GALNT16: variants seen among roughly 807,000 people sequenced by gnomAD.
GALNT16 encodes UDP-GalNAc:polypeptide N-acetylgalactosaminyltransferase-like protein 1.
GALNT16 carries 40 observed loss-of-function variants against 76.1 expected under a neutral mutation model. The observed-to-expected ratio is 0.53, with a 90% CI of 0.41 to 0.68. The LOEUF (loss-of-function observed/expected upper bound fraction) is 0.68, where lower values mean the gene tolerates loss of function less well. Among genes scored for constraint, GALNT16 ranks in the 30% least tolerant of loss-of-function variants. The probability of loss-of-function intolerance (pLI) is 0.00; values close to 1 mark genes in which losing one functional copy is unlikely to be tolerated. For missense variants in GALNT16, 621 were observed against 731.9 expected (o/e 0.85, Z 1.75); for synonymous variants, 276 against 285.2 (o/e 0.97, Z 0.32).
the GALNT16 span, among the ~76,000 whole-genome samples, chr14:69,370,573 A>G: frequency 6.6e-6 from 1 of 152,154 alleles, no homozygotes; most frequent in African/African-American, 2.4e-5. Context: ...CATTATGGAA[A>G]GTTTCAAGCA....
chr14:69,383,195 C>G, the GALNT16 span, among the ~76,000 whole-genome samples: 1 of 152,220 alleles, frequency 6.6e-6, no homozygotes. Flanking sequence ...AAATCTGACT[C>G]TGACTTTAAG....
intron 1 of GALNT16, among the ~76,000 whole-genome samples, chr14:69,293,915 G>A (rs1356777930): frequency 2.6e-5 from 4 of 151,196 alleles, no homozygotes; most frequent in East Asian, 1.9e-4. Flanking sequence ...TTTTTGAGAC[G>A]GAGTCTTGCT....
intron 12 of GALNT16, among the ~76,000 whole-genome samples, chr14:69,342,478 G>GAGGAAGGC (rs1238640407): frequency 0.018 from 579 of 32,022 alleles, 18 homozygotes; most frequent in South Asian, 0.041. Flanking sequence ...GGAAGGAAGG[G>GAGGAAGGC]AGGGAGGGAG....
chr14:69,270,952 G>A (rs1052973955), intron 1 of GALNT16, among the ~76,000 whole-genome samples: 5 of 61,636 alleles, frequency 8.1e-5, no homozygotes, highest in African/African-American at 4.0e-4. Context: ...CCTAGAGGCC[G>A]GATGAAGGAG....
intron 10 of GALNT16, among the ~76,000 whole-genome samples, chr14:69,339,079 T>A (rs753218): frequency 6.6e-6 from 1 of 152,080 alleles, no homozygotes; most frequent in Non-Finnish European, 1.5e-5. Flanking sequence ...CGAGTGCTGG[T>A]CATGGATGCC....
At chr14:69,360,453 C>T (rs183354223), downstream of GALNT16, among the ~76,000 whole-genome samples, 427 of 151,562 alleles carry the variant, frequency 2.8e-3, no homozygotes, top group Middle Eastern at 0.01. Context: ...CATGGTGAAA[C>T]CACATCTCTA....
Position 69,347,963 on chromosome 14 carries a change from A to G in GALNT16, c.1500A>G (p.Pro500=), listed in dbSNP as rs370993989. The change falls in exon 14 of 15, where the codon CCA becomes CCG. Residue 500 remains proline, a synonymous_variant. Coordinates refer to ENST00000448469, the MANE Select transcript of GALNT16 (RefSeq NM_001168368.2). ...TSTLMSSPGS[P]VILQMCNPRE... is the part of the protein sequence containing the mutation. Reference sequence around the variant, plus strand: ...CCTTAATGTCCTCCCCTGGATCCCCAGTCATACTGCAGATGTGCAACCCTA... The same window carrying G: ...CCTTAATGTCCTCCCCTGGATCCCCGGTCATACTGCAGATGTGCAACCCTA... 1.6e-5 allele frequency: 26 copies of G among 1,613,950 alleles called. No homozygotes were observed. Among genetic ancestry groups the G allele is most frequent in the Non-Finnish European group, 2.2e-5 (26 of 1,179,988 alleles).
chr14:69,282,138 G>A (rs1211414655), intron 1 of GALNT16, among the ~76,000 whole-genome samples: 2 of 152,126 alleles, frequency 1.3e-5, no homozygotes, highest in Non-Finnish European at 2.9e-5. Flanking sequence ...AGGTTTCATC[G>A]CTTTCAGAGA....
chr14:69,384,908 T>A, the GALNT16 span, among the ~76,000 whole-genome samples: 2 of 152,316 alleles, frequency 1.3e-5, no homozygotes, highest in African/African-American at 4.8e-5. Context: ...TTTCCTCTAA[T>A]GATCTCATCT....
the GALNT16 span, among the ~76,000 whole-genome samples, chr14:69,381,335 A>G: frequency 1.3e-5 from 2 of 152,292 alleles, no homozygotes; most frequent in South Asian, 4.1e-4. Flanking sequence ...TAACTAAAAA[A>G]CCTTTAAAAA....
intron 1 of GALNT16, among the ~76,000 whole-genome samples, chr14:69,275,242 G>C (rs1399983802): frequency 1.3e-5 from 2 of 152,174 alleles, no homozygotes; most frequent in Non-Finnish European, 2.9e-5. Context: ...CCTCTCCAAA[G>C]TAGAACCCCT....
At chr14:69,336,055 A>T (rs1375107822) in intron 9 of GALNT16, among the ~76,000 whole-genome samples, 7 of 152,120 alleles carry the variant, frequency 4.6e-5, no homozygotes, top group Admixed American at 4.6e-4. Context: ...CCCCGCAGCC[A>T]CACCCCTGCC....
Position 69,328,442 on chromosome 14 carries a change from T to C in GALNT16, c.569-8T>C. 1 of 1,613,382 alleles carries C rather than the reference T, an allele frequency of 6.2e-7. No individual in the cohort carries two copies. The highest frequency in any genetic ancestry group is 8.5e-7 in the Non-Finnish European group (1 of 1,179,638). On this transcript the variant is annotated splice_polypyrimidine_tract_variant and splice_region_variant and intron_variant, in intron 5 of 14. Transcript: ENST00000448469. ...CCCAGCGCCAAGCCCTATCTACTCC[T>C]CTTGTAGGGCTGATCCGGTCCCGAG...
the GALNT16 span, among the ~76,000 whole-genome samples, chr14:69,379,453 A>C: frequency 6.6e-6 from 1 of 152,204 alleles, no homozygotes; most frequent in Non-Finnish European, 1.5e-5. Context: ...TTAAGGCCCT[A>C]ATGTGCAAGT....
chr14:69,296,771 CAGAT>C (rs1327823989), intron 1 of GALNT16, among the ~76,000 whole-genome samples: 108 of 96,102 alleles, frequency 1.1e-3, no homozygotes, highest in African/African-American at 4.3e-3. Context: ...GATAGATAGA[CAGAT>C]AGATGATAGA....
At position 69,333,717 on chromosome 14, in the gene GALNT16, C is replaced by A; in HGVS notation, c.967+117C>A. 4 of 625,238 alleles carry A rather than the reference C, an allele frequency of 6.4e-6. No individual in the cohort carries two copies. The South Asian group carries it at 7.6e-5, about 12-fold the overall frequency. The allele number at this position is 625,238 out of a possible 1,614,324, so 38.7% of individuals were successfully genotyped here. A position where few individuals can be genotyped will look rare whatever the true frequency, so the allele number is the denominator to read the frequency against. ...TCTAAGGACTTTACACACATGAGGT[C>A]ATTTAATTCTCTCAAGGACCCTCTG... On this transcript the variant is annotated intron_variant, in intron 9 of 14. Transcript: ENST00000448469. This position sits in a 1 kb window ranked among gnomAD's most constrained non-coding sequence, Gnocchi z 4.2.
intron 12 of GALNT16, among the ~76,000 whole-genome samples, chr14:69,345,297 A>G (rs1275314229): frequency 1.3e-5 from 2 of 152,178 alleles, no homozygotes; most frequent in African/African-American, 4.8e-5. Flanking sequence ...GAGAGTTGCA[A>G]TGCCTCCCAA....
At chr14:69,332,741 T>G in intron 7 of GALNT16, 1 of 230,782 alleles carries the variant, frequency 4.3e-6, no homozygotes. Flanking sequence ...TTCATTCAGG[T>G]CTCTACTCCA....
intron 13 of GALNT16, 103 bp downstream of exon 13, chr14:69,347,284 C>T: frequency 8.1e-7 from 1 of 1,229,418 alleles, no homozygotes; most frequent in Non-Finnish European, 1.1e-6. Context: ...CTGTCTACAT[C>T]TTACACAAAC....
Sources: allele counts gnomAD v4.1 joint callset (sites outside exome capture counted in the v4.1 genomes callset), GRCh38; gene constraint gnomAD v4.1.1; non-coding constraint Gnocchi (gnomAD v3.1); transcripts MANE v1.5; gene names NCBI Gene and HGNC (gene_info 2026-07-23, HGNC 2026-07-21).